ARPP21: variants seen among roughly 807,000 people sequenced by gnomAD.
ARPP21 encodes the protein cAMP-regulated phosphoprotein 21.
In ARPP21, 69 loss-of-function variants were observed where a neutral mutation model predicts 113.2. The observed-to-expected ratio is 0.61, with a 90% CI of 0.50 to 0.74. The LOEUF (loss-of-function observed/expected upper bound fraction) is 0.74. Ranked by LOEUF, ARPP21 falls within the 30% of genes least tolerant of loss-of-function variation. The pLI is 0.00. For synonymous variants in ARPP21, 368 were observed against 375.5 expected, an observed-to-expected ratio of 0.98 and a Z score of 0.23; for missense variants, 1,070 against 1,037.4, an observed-to-expected ratio of 1.03 and a Z score of -0.43.
intron 13 of ARPP21, among the ~76,000 whole-genome samples, chr3:35,718,240 C>T (rs1296521682): frequency 6.6e-6 from 1 of 152,108 alleles, no homozygotes; most frequent in Non-Finnish European, 1.5e-5. Flanking sequence ...TGTTATCTTA[C>T]ACTTTGATTG....
chr3:35,658,442 G>T (rs1010392965), intron 1 of ARPP21, among the ~76,000 whole-genome samples: 9 of 151,990 alleles, frequency 5.9e-5, no homozygotes, highest in African/African-American at 2.2e-4. Flanking sequence ...CTTGCTATGA[G>T]TTAAGATATC....
chr3:35,701,562 C>T (rs1434257093), intron 9 of ARPP21, among the ~76,000 whole-genome samples: 3 of 151,614 alleles, frequency 2.0e-5, no homozygotes, highest in African/African-American at 7.3e-5. Flanking sequence ...CTTTTTAAAA[C>T]TTCGTATTTT....
intron 1 of ARPP21, among the ~76,000 whole-genome samples, chr3:35,674,237 A>G (rs1403789418): frequency 6.6e-6 from 1 of 151,942 alleles, no homozygotes; most frequent in Non-Finnish European, 1.5e-5. Flanking sequence ...ATAGGAGATC[A>G]TAGAACAGTG....
In ARPP21 at chr3:35,685,686, T is replaced by A. The variant is rs906617016; in HGVS notation, c.261+1871T>A. 27 of 983,838 alleles carry A rather than the reference T, an allele frequency of 2.7e-5. No homozygotes were observed. The African/African-American group carries it at 4.2e-4, about 15-fold the overall frequency. 60.9% of individuals were successfully genotyped at this position (983,838 alleles called of 1,614,324 possible). The stretch of plus-strand genomic sequence containing the variant: ...TTGATCTCAGACCCATACCTGATGG[T>A]TCAGTCTGTCCTTAAGTTAAAAGAA... On this transcript the variant is annotated intron_variant, in intron 5 of 20. Coordinates refer to ENST00000684406, the MANE Select transcript of ARPP21 (RefSeq NM_001385562.1).
At chr3:35,712,509 GGTGTCTGTGT>G (rs1236415095) in intron 11 of ARPP21, among the ~76,000 whole-genome samples, 8 of 108,574 alleles carry the variant, frequency 7.4e-5, no homozygotes, top group African/African-American at 2.8e-4. Flanking sequence ...TGGTGTCTAA[GGTGTCTGTGT>G]GTGTGTGTGT....
chr3:35,698,295 C>T (rs2084859518), intron 9 of ARPP21, among the ~76,000 whole-genome samples: 1 of 151,462 alleles, frequency 6.6e-6, no homozygotes, highest in African/African-American at 2.4e-5. Flanking sequence ...TAGGTAAATA[C>T]TAGAAATATA....
At chr3:35,731,144 G>T (rs1376800159) in intron 15 of ARPP21, among the ~76,000 whole-genome samples, 4 of 152,114 alleles carry the variant, frequency 2.6e-5, no homozygotes, top group Admixed American at 6.5e-5. Flanking sequence ...TGAGTGGTTT[G>T]TTTTAAGCAA....
chr3:35,653,542 G>GGTATTCCCCAAACT (rs1703421594), intron 1 of ARPP21, among the ~76,000 whole-genome samples: 1 of 151,964 alleles, frequency 6.6e-6, no homozygotes, highest in African/African-American at 2.4e-5. Flanking sequence ...ATGATGCCAC[G>GGTATTCCCCAAACT]GACTATCAGC....
chr3:35,709,520 C>A (rs1473951924), intron 11 of ARPP21, among the ~76,000 whole-genome samples: 2 of 152,026 alleles, frequency 1.3e-5, no homozygotes, highest in Non-Finnish European at 2.9e-5. Context: ...GGGTTGTTAG[C>A]AAATATGGAC....
In ARPP21 at chr3:35,721,800, CAGTACTAGG is replaced by C; in HGVS notation, c.1197_1205del (p.Arg400_Thr402del). The C allele has an allele frequency of 6.2e-7, 1 of 1,612,146 alleles. No homozygotes were observed. The highest frequency in any genetic ancestry group is 8.5e-7 in the Non-Finnish European group (1 of 1,179,024). On this transcript the variant is annotated inframe_deletion, in exon 14 of 21. Coordinates refer to ENST00000684406, the MANE Select transcript of ARPP21 (RefSeq NM_001385562.1). ...TGCTGACCAGGGGTGACAGCACTTC[CAGTACTAGG>C]AGTACCGGGAAGCTGTCCAAAGCAG... is the stretch of plus-strand genomic sequence containing the variant.
intron 9 of ARPP21, among the ~76,000 whole-genome samples, chr3:35,705,193 A>G (rs2088322496): frequency 6.6e-6 from 1 of 150,400 alleles, no homozygotes; most frequent in Admixed American, 6.7e-5. Context: ...TTGCTATGGA[A>G]AAAAAAATGT....
chr3:35,645,758 A>G (rs781293192), intron 1 of ARPP21, among the ~76,000 whole-genome samples: 1 of 151,994 alleles, frequency 6.6e-6, no homozygotes, highest in South Asian at 2.1e-4. Flanking sequence ...AACTCTCCCT[A>G]GGGAAACAGA....
intron 1 of ARPP21, among the ~76,000 whole-genome samples, chr3:35,677,530 T>G (rs1432848569): frequency 6.6e-6 from 1 of 151,970 alleles, no homozygotes; most frequent in Non-Finnish European, 1.5e-5. Flanking sequence ...CATTGTTGAT[T>G]AATTTCCTGT....
At chr3:35,690,290 G>C (rs2081867699) in intron 8 of ARPP21, 150 bp downstream of exon 8, 4 of 579,782 alleles carry the variant, frequency 6.9e-6, no homozygotes, top group Non-Finnish European at 9.2e-6. Flanking sequence ...TTGGAGTTAG[G>C]ACTATACGCT....
rs746986235 is a variant in ARPP21, at chr3:35,793,673, C to CA, written c.2287-27dup. 1.6e-5 allele frequency: 25 copies of CA among 1,584,520 alleles called. No individual in the cohort carries two copies. The Middle Eastern group carries it at 5.0e-4, about 32-fold the overall frequency. ...TACAGACCAAAATAGTCTCTTCATACAGGGTTCTTGCTTGTGTCTTTTTAC... is the reference window on the plus strand; with the variant it reads ...TACAGACCAAAATAGTCTCTTCATACAAGGGTTCTTGCTTGTGTCTTTTTAC... On this transcript the variant is annotated intron_variant, in intron 20 of 20. Coordinates refer to ENST00000684406, the MANE Select transcript of ARPP21 (RefSeq NM_001385562.1).
chr3:35,719,680 G>A (rs1456674736), intron 13 of ARPP21, among the ~76,000 whole-genome samples: 2 of 152,116 alleles, frequency 1.3e-5, no homozygotes, highest in Non-Finnish European at 2.9e-5. Context: ...ATTAGTAATG[G>A]GAACAAGGGA....
intron 19 of ARPP21, among the ~76,000 whole-genome samples, chr3:35,759,341 G>T (rs946861100): frequency 6.6e-6 from 1 of 152,056 alleles, no homozygotes; most frequent in African/African-American, 2.4e-5. Context: ...AATACAGTTT[G>T]TCCCTCTTTC....
At chr3:35,667,852 AG>A (rs1559547499) in intron 1 of ARPP21, among the ~76,000 whole-genome samples, 3 of 113,828 alleles carry the variant, frequency 2.6e-5, no homozygotes, top group Admixed American at 1.9e-4. Flanking sequence ...AAGAAGAAGA[AG>A]AAGAAGAAGA....
intron 20 of ARPP21, 51 bp downstream of exon 20, chr3:35,792,581 A>T (rs758746332): frequency 6.9e-6 from 11 of 1,587,656 alleles, no homozygotes; most frequent in Non-Finnish European, 9.5e-6. Flanking sequence ...GAATTTGCCA[A>T]AGTGGAAGCT....
Sources: gnomAD v4.1 joint callset for allele counts (sites outside exome capture counted in the v4.1 genomes callset) on GRCh38, gnomAD v4.1.1 for gene constraint, MANE v1.5 for transcripts, NCBI Gene and HGNC (gene_info 2026-07-23, HGNC 2026-07-21) for gene names.